The following SGCD variants were observed in gnomAD, a reference collection of about 807,000 sequenced individuals.
The protein encoded by SGCD is sarcoglycan delta.
A neutral mutation model predicts 36.6 loss-of-function variants in SGCD; 18 were observed. The ratio of observed to expected loss-of-function variants is 0.49; its 90% CI spans 0.34 to 0.73. SGCD has a LOEUF of 0.73. Ranked by LOEUF, SGCD falls within the 30% of genes least tolerant of loss-of-function variation. The pLI is 0.01. For missense variants in SGCD, 387 were observed against 346.7 expected (o/e 1.12, Z -0.92); for synonymous variants, 133 against 130.6 (o/e 1.02, Z -0.12).
intron 1 of SGCD, among the ~76,000 whole-genome samples, chr5:155,948,983 G>A (rs534986829): frequency 6.6e-6 from 1 of 152,246 alleles, no homozygotes; most frequent in Non-Finnish European, 1.5e-5. Flanking sequence ...TATCAGCTCA[G>A]CTGAGTCTCT....
chr5:156,604,930 G>A (rs1029942624), intron 6 of SGCD, among the ~76,000 whole-genome samples: 1 of 151,012 alleles, frequency 6.6e-6, no homozygotes, highest in African/African-American at 2.4e-5. Flanking sequence ...TATTGTTTTT[G>A]ACTGTGTTGA....
At chr5:156,228,839 T>C (rs1408657206) in intron 3 of SGCD, among the ~76,000 whole-genome samples, 1 of 152,174 alleles carries the variant, frequency 6.6e-6, no homozygotes, top group African/African-American at 2.4e-5. Context: ...ATCCTTATAG[T>C]GGTGGTGTGA....
chr5:156,616,332 T>C (rs1762019393), intron 6 of SGCD, among the ~76,000 whole-genome samples: 1 of 152,228 alleles, frequency 6.6e-6, no homozygotes, highest in Non-Finnish European at 1.5e-5. Flanking sequence ...TAGGTCATAT[T>C]CCCACTGCTA....
rs1235517188 is a variant in SGCD, at chr5:156,308,277, A to G, written c.-43-21257A>G. 8.7e-5 allele frequency among the ~76,000 whole-genome samples: 13 copies of G among 149,384 alleles called. 1 individual carries two copies. In the Admixed American group the frequency reaches 8.7e-4, roughly 10 times the overall value. Reference sequence around the variant, plus strand: ...TCTTACATGGTGGCAGGAGAGAAAGAGAGCAAAGGGGGAAGTGCCATACTT... The same window carrying G: ...TCTTACATGGTGGCAGGAGAGAAAGGGAGCAAAGGGGGAAGTGCCATACTT... On this transcript the variant is annotated intron_variant, in intron 3 of 9. Transcript: ENST00000517913.
At chr5:155,994,861 T>A (rs1191253061) in intron 1 of SGCD, among the ~76,000 whole-genome samples, 2 of 152,184 alleles carry the variant, frequency 1.3e-5, no homozygotes, top group Non-Finnish European at 2.9e-5. Flanking sequence ...GCTGAGCATG[T>A]GGCTGGATTC....
chr5:156,677,453 A>G (rs1753558000), intron 7 of SGCD, among the ~76,000 whole-genome samples: 1 of 151,450 alleles, frequency 6.6e-6, no homozygotes, highest in Non-Finnish European at 1.5e-5. Context: ...AAAACCAAAC[A>G]CCACATGTTC....
chr5:155,810,795 C>CTTTTTTTTTTTTTTTTTTTTTTT, the SGCD span, among the ~76,000 whole-genome samples: 1 of 35,304 alleles, frequency 2.8e-5, no homozygotes, highest in Non-Finnish European at 5.2e-5. Context: ...TTAGTGTCTG[C>CTTTTTTTTTTTTTTTTTTTTTTT]TTTTTTTTTT....
chr5:155,934,838 C>A (rs185763969), intron 1 of SGCD, among the ~76,000 whole-genome samples: 4 of 152,260 alleles, frequency 2.6e-5, no homozygotes, highest in Admixed American at 2.6e-4. Context: ...TTGTACATAC[C>A]CCAGATGTGA....
At chr5:155,944,704 C>A (rs1014190225) in intron 1 of SGCD, among the ~76,000 whole-genome samples, 3 of 152,124 alleles carry the variant, frequency 2.0e-5, no homozygotes, top group African/African-American at 7.2e-5. Context: ...TCAAGAAACT[C>A]ATTATCTAGT....
intron 1 of SGCD, among the ~76,000 whole-genome samples, chr5:155,929,728 T>C (rs2113388839): frequency 6.6e-6 from 1 of 152,322 alleles, no homozygotes; most frequent in East Asian, 1.9e-4. Flanking sequence ...AAAGTTAATC[T>C]CAACCTCTTT....
chr5:155,767,015 C>A, the SGCD span, among the ~76,000 whole-genome samples: 1 of 152,192 alleles, frequency 6.6e-6, no homozygotes, highest in African/African-American at 2.4e-5. Flanking sequence ...TACAGCCCAT[C>A]CTTGAATGAC....
chr5:156,124,498 A>G (rs1404732788), intron 3 of SGCD, among the ~76,000 whole-genome samples: 1 of 152,138 alleles, frequency 6.6e-6, no homozygotes, highest in Non-Finnish European at 1.5e-5. Flanking sequence ...TTTTATATCC[A>G]TGCTGGAGCA....
At chr5:156,049,311 C>T (rs1341144273) in intron 1 of SGCD, among the ~76,000 whole-genome samples, 2 of 145,676 alleles carry the variant, frequency 1.4e-5, no homozygotes, top group African/African-American at 4.9e-5. Context: ...GATGCGGGCT[C>T]TTTTTTGGTT....
At position 156,663,761 on chromosome 5, in the gene SGCD, A is replaced by ATAGTACATAAATCTACTGTG. The variant is rs1423337827; in HGVS notation, c.575+16243_575+16244insTGTAGTACATAAATCTACTG. On this transcript the variant is annotated intron_variant, in intron 7 of 8. Transcript: ENST00000337851. ...CCCTGGAAGCAGAGAGACTGCTTGT[A>ATAGTACATAAATCTACTGTG]TAGTACATAAATCTACTGCTGCACT... is the stretch of plus-strand genomic sequence containing the variant. 6.8e-5 allele frequency among the ~76,000 whole-genome samples: 10 copies of ATAGTACATAAATCTACTGTG among 147,084 alleles called. No individual in the cohort carries two copies. In the East Asian group the frequency reaches 1.2e-3, roughly 17 times the overall value.
At chr5:156,545,666 T>C (rs188719577) in intron 4 of SGCD, among the ~76,000 whole-genome samples, 49 of 152,266 alleles carry the variant, frequency 3.2e-4, no homozygotes, top group African/African-American at 1.0e-3. Context: ...GCTCAGGCAG[T>C]AATGCTCACT....
chr5:156,319,290 C>T (rs1402576542), intron 3 of SGCD, among the ~76,000 whole-genome samples: 1 of 152,182 alleles, frequency 6.6e-6, no homozygotes, highest in Non-Finnish European at 1.5e-5. Flanking sequence ...CTACAATCCA[C>T]TGAAAATACA....
intron 1 of SGCD, among the ~76,000 whole-genome samples, chr5:155,983,085 A>G (rs1332724514): frequency 4.6e-5 from 7 of 152,210 alleles, no homozygotes; most frequent in Non-Finnish European, 1.0e-4. Flanking sequence ...ACTTTTTTCC[A>G]TCTTAAAATA....
chr5:156,462,729 G>A (rs969825190), intron 3 of SGCD, among the ~76,000 whole-genome samples: 1 of 152,146 alleles, frequency 6.6e-6, no homozygotes, highest in Non-Finnish European at 1.5e-5. Context: ...ATTCTCAACA[G>A]AAAGGCTATA....
intron 3 of SGCD, among the ~76,000 whole-genome samples, chr5:156,170,363 T>A (rs1163218898): frequency 6.6e-6 from 1 of 152,192 alleles, no homozygotes; most frequent in African/African-American, 2.4e-5. Flanking sequence ...TTATTAGTAG[T>A]AATTGTCCAC....
Sources: allele counts gnomAD v4.1 joint callset (sites outside exome capture counted in the v4.1 genomes callset), GRCh38; gene constraint gnomAD v4.1.1; transcripts MANE v1.5; gene names NCBI Gene and HGNC (gene_info 2026-07-23, HGNC 2026-07-21).